ZFPM2: variants seen among roughly 807,000 people sequenced by gnomAD.
ZFPM2 encodes zinc finger protein ZFPM2.
Under a neutral mutation model 98.6 loss-of-function variants are expected in ZFPM2, and 20 were observed. The ratio of observed to expected loss-of-function variants is 0.20; its 90% CI spans 0.14 to 0.29. The LOEUF is 0.29. ZFPM2 is among the 10% of genes least tolerant of loss of function. The pLI is 1.00. For missense variants in ZFPM2, 1,310 were observed against 1,388.6 expected (o/e 0.94, Z 0.90); for synonymous variants, 518 against 502.7 (o/e 1.03, Z -0.41).
chr8:105,589,869 G>A (rs374505863), intron 4 of ZFPM2, among the ~76,000 whole-genome samples: 8 of 150,722 alleles, frequency 5.3e-5, no homozygotes, highest in Non-Finnish European at 1.2e-4. Context: ...TTACAGGCAC[G>A]TGCCACCAAG....
intron 1 of ZFPM2, among the ~76,000 whole-genome samples, chr8:105,328,360 G>A (rs1296838908): frequency 6.6e-6 from 1 of 151,816 alleles, no homozygotes; most frequent in Non-Finnish European, 1.5e-5. Context: ...AAACAACAAA[G>A]TGAGGCAAGA....
intron 1 of ZFPM2, among the ~76,000 whole-genome samples, chr8:105,415,758 T>G (rs1021477799): frequency 6.6e-6 from 1 of 152,134 alleles, no homozygotes; most frequent in African/African-American, 2.4e-5. Flanking sequence ...TTATGCATTT[T>G]AAAAGAAACC....
At chr8:105,669,225 G>A (rs1817543294) in intron 5 of ZFPM2, among the ~76,000 whole-genome samples, 1 of 151,962 alleles carries the variant, frequency 6.6e-6, no homozygotes. Flanking sequence ...CATGGATATA[G>A]ACAGTCTTCA....
In ZFPM2 at chr8:105,593,477, G is replaced by A. The variant is rs371167360; in HGVS notation, c.420+31996G>A. Among the ~76,000 whole-genome samples, 9 of 151,958 alleles carry A rather than the reference G, an allele frequency of 5.9e-5. No individual in the cohort carries two copies. The East Asian group carries it at 1.2e-3, about 20-fold the overall frequency. On this transcript the variant is annotated intron_variant, in intron 4 of 7. Transcript: ENST00000407775. ...CAGCAGTTATAAATGAAAAATATGG[G>A]ATTTAATGTACTTATTAATAAAGAT... is the stretch of plus-strand genomic sequence containing the variant.
chr8:105,711,307 C>T (rs1373176898), intron 5 of ZFPM2, among the ~76,000 whole-genome samples: 1 of 152,072 alleles, frequency 6.6e-6, no homozygotes, highest in Non-Finnish European at 1.5e-5. Flanking sequence ...ATTCCTCTTA[C>T]TTCCCAGCCA....
At chr8:105,390,471 G>C (rs1198867203) in intron 1 of ZFPM2, among the ~76,000 whole-genome samples, 1 of 152,178 alleles carries the variant, frequency 6.6e-6, no homozygotes, top group Non-Finnish European at 1.5e-5. Flanking sequence ...TTCTGGGTGT[G>C]CTCACTAACC....
intron 5 of ZFPM2, among the ~76,000 whole-genome samples, chr8:105,648,064 A>G (rs367631407): frequency 2.6e-5 from 4 of 152,024 alleles, no homozygotes; most frequent in Non-Finnish European, 4.4e-5. Flanking sequence ...TTTAATGATC[A>G]CCATTCTAAC....
intron 1 of ZFPM2, among the ~76,000 whole-genome samples, chr8:105,399,041 T>C (rs1289185667): frequency 6.6e-6 from 1 of 151,994 alleles, no homozygotes; most frequent in Non-Finnish European, 1.5e-5. Flanking sequence ...AGGAAAGAGC[T>C]CTGGGGTTGG....
At chr8:105,645,372 A>G (rs116113407) in intron 5 of ZFPM2, among the ~76,000 whole-genome samples, 1,572 of 152,274 alleles carry the variant, frequency 0.01, 16 homozygotes, top group African/African-American at 0.036. Context: ...TTTTATGCGA[A>G]TAGTCATTCT....
intron 4 of ZFPM2, among the ~76,000 whole-genome samples, chr8:105,615,467 C>T (rs865956835): frequency 7.2e-5 from 11 of 152,086 alleles, no homozygotes; most frequent in African/African-American, 2.2e-4. Flanking sequence ...AGGGAGAATC[C>T]CAGTCGAAGA....
chr8:105,671,367 CCT>C (rs2130904784), intron 5 of ZFPM2, among the ~76,000 whole-genome samples: 1 of 151,616 alleles, frequency 6.6e-6, no homozygotes, highest in South Asian at 2.1e-4. Flanking sequence ...TTTTGTATTT[CCT>C]CTTTTTTGTA....
At chr8:105,399,133 C>T (rs758611418) in intron 1 of ZFPM2, among the ~76,000 whole-genome samples, 9 of 152,150 alleles carry the variant, frequency 5.9e-5, no homozygotes, top group South Asian at 2.1e-4. Context: ...GTAGGGCCAA[C>T]GGCCAACTGG....
chr8:105,355,682 T>C (rs1812727808), intron 1 of ZFPM2, among the ~76,000 whole-genome samples: 2 of 152,212 alleles, frequency 1.3e-5, no homozygotes, highest in South Asian at 4.1e-4. Context: ...TGACAAGAGA[T>C]TGCTCACAAG....
chr8:105,355,689 C>G (rs1426633470), intron 1 of ZFPM2, among the ~76,000 whole-genome samples: 2 of 152,154 alleles, frequency 1.3e-5, no homozygotes, highest in African/African-American at 2.4e-5. Flanking sequence ...AGATTGCTCA[C>G]AAGCCCATTC....
intron 6 of ZFPM2, among the ~76,000 whole-genome samples, chr8:105,789,355 A>C (rs530682328): frequency 1.7e-4 from 26 of 152,052 alleles, no homozygotes; most frequent in African/African-American, 5.8e-4. Flanking sequence ...TGTTCTTGCG[A>C]TAGTTTACTG....
intron 1 of ZFPM2, among the ~76,000 whole-genome samples, chr8:105,380,787 ATATATAT>A (rs1366283421): frequency 4.2e-5 from 1 of 23,820 alleles, no homozygotes; most frequent in Non-Finnish European, 6.3e-5. Context: ...ATATATGTGT[ATATATAT>A]TATATATGTT....
At chr8:105,555,169 G>T (rs749184162) in intron 3 of ZFPM2, among the ~76,000 whole-genome samples, 5 of 151,710 alleles carry the variant, frequency 3.3e-5, no homozygotes, top group Non-Finnish European at 5.9e-5. Context: ...AAGAGAAACA[G>T]CCCTGAGCAC....
At chr8:105,629,171 C>T (rs142000196) in intron 4 of ZFPM2, among the ~76,000 whole-genome samples, 7 of 152,316 alleles carry the variant, frequency 4.6e-5, no homozygotes, top group East Asian at 3.9e-4. Flanking sequence ...GGCACTGAAG[C>T]GGCTGACTGG....
intron 5 of ZFPM2, among the ~76,000 whole-genome samples, chr8:105,729,070 T>C (rs1811872735): frequency 6.6e-6 from 1 of 151,752 alleles, no homozygotes; most frequent in Non-Finnish European, 1.5e-5. Flanking sequence ...CTCCTGGAAT[T>C]TTTCAATTAT....
Sources: allele counts gnomAD v4.1 joint callset (sites outside exome capture counted in the v4.1 genomes callset), GRCh38; gene constraint gnomAD v4.1.1; transcripts MANE v1.5; gene names NCBI Gene and HGNC (gene_info 2026-07-23, HGNC 2026-07-21).